The following AFF3 variants were observed in gnomAD, a reference collection of about 807,000 sequenced individuals.
The protein encoded by AFF3 is AF4/FMR2 family member 3.
AFF3 carries 32 observed loss-of-function variants against 129.7 expected under a neutral mutation model. The observed-to-expected ratio is 0.25, with a 90% CI of 0.19 to 0.33. The LOEUF is 0.33. Among genes scored for constraint, AFF3 ranks in the 10% least tolerant of loss-of-function variants. AFF3 has a pLI of 1.00. For missense variants in AFF3, 1,373 were observed against 1,592.0 expected (o/e 0.86, Z 2.34); for synonymous variants, 644 against 635.4 (o/e 1.01, Z -0.20).
In AFF3 at chr2:99,931,289, G is replaced by A. The variant is rs565556749; in HGVS notation, c.873+75343C>T. On this transcript the variant is annotated intron_variant, in intron 7 of 24. Coordinates refer to ENST00000672756, the MANE Select transcript of AFF3 (RefSeq NM_001386135.1). ...ACTCCCTGGAGATGTCAAGAAAAGTGAGCTGCTTTCTCTGCAGGAAAGCCA... is the reference window on the plus strand; with the variant it reads ...ACTCCCTGGAGATGTCAAGAAAAGTAAGCTGCTTTCTCTGCAGGAAAGCCA... 2.6e-5 allele frequency among the ~76,000 whole-genome samples: 4 copies of A among 152,356 alleles called. No individual in the cohort carries two copies. The South Asian group carries it at 8.3e-4, about 32-fold the overall frequency.
intron 8 of AFF3, among the ~76,000 whole-genome samples, chr2:99,762,791 A>G (rs17023082): frequency 0.2 from 30,001 of 152,208 alleles, 3,247 homozygotes; most frequent in East Asian, 0.36. Context: ...AAGACACGGG[A>G]TGAATTCTGC....
intron 4 of AFF3, among the ~76,000 whole-genome samples, chr2:100,075,759 C>T (rs1214987734): frequency 6.6e-6 from 1 of 152,150 alleles, no homozygotes; most frequent in Non-Finnish European, 1.5e-5. Flanking sequence ...CTGATGATGT[C>T]TCAAGTGATG....
intron 10 of AFF3, among the ~76,000 whole-genome samples, chr2:99,729,825 C>T (rs544866750): frequency 6.7e-6 from 1 of 148,876 alleles, no homozygotes; most frequent in East Asian, 2.0e-4. Flanking sequence ...TTTGTGTCAG[C>T]TGTTTTCATG....
chr2:99,656,583 T>C (rs559268482), intron 12 of AFF3, among the ~76,000 whole-genome samples: 1 of 152,364 alleles, frequency 6.6e-6, no homozygotes, highest in African/African-American at 2.4e-5. Context: ...AAGTTGAGAC[T>C]TGTACTTATT....
At chr2:100,100,747 A>G (rs1690663942) in intron 4 of AFF3, among the ~76,000 whole-genome samples, 1 of 152,242 alleles carries the variant, frequency 6.6e-6, no homozygotes, top group South Asian at 2.1e-4. Context: ...TGTTAAACGA[A>G]TTAAATGAAA....
intron 7 of AFF3, among the ~76,000 whole-genome samples, chr2:99,965,715 C>T (rs1390204818): frequency 1.3e-5 from 2 of 152,186 alleles, no homozygotes; most frequent in African/African-American, 2.4e-5. Context: ...GCAAAACTAG[C>T]CTTCTGAGCC....
intron 13 of AFF3, among the ~76,000 whole-genome samples, chr2:99,603,281 T>C (rs556028400): frequency 4.6e-5 from 7 of 152,156 alleles, no homozygotes; most frequent in Admixed American, 1.3e-4. Flanking sequence ...GTTACTGTCA[T>C]TGGAATCATA....
intron 4 of AFF3, among the ~76,000 whole-genome samples, chr2:100,087,302 C>T (rs1265180877): frequency 6.6e-6 from 1 of 151,948 alleles, no homozygotes; most frequent in Admixed American, 6.6e-5. Flanking sequence ...TTATATCTTC[C>T]CATCATGTAA....
intron 7 of AFF3, among the ~76,000 whole-genome samples, chr2:100,002,497 A>T (rs1252630753): frequency 6.6e-6 from 1 of 152,200 alleles, no homozygotes; most frequent in East Asian, 1.9e-4. Flanking sequence ...AGACTATTTA[A>T]TTACTTATTT....
At chr2:99,958,639 A>T (rs1203337113) in intron 7 of AFF3, among the ~76,000 whole-genome samples, 1 of 152,100 alleles carries the variant, frequency 6.6e-6, no homozygotes, top group Non-Finnish European at 1.5e-5. Flanking sequence ...TGCAATCTAA[A>T]TGGGGGACAG....
At chr2:100,039,895 C>T (rs932325506) in intron 4 of AFF3, among the ~76,000 whole-genome samples, 4 of 152,168 alleles carry the variant, frequency 2.6e-5, no homozygotes, top group African/African-American at 7.2e-5. Context: ...CTCTCTAGGA[C>T]AGGAACTCCT....
At chr2:99,668,284 G>A (rs954372388) in intron 12 of AFF3, among the ~76,000 whole-genome samples, 1 of 151,848 alleles carries the variant, frequency 6.6e-6, no homozygotes, top group South Asian at 2.1e-4. Flanking sequence ...CAATACTCCC[G>A]TCTCAGCCTC....
intron 7 of AFF3, among the ~76,000 whole-genome samples, chr2:99,998,863 GC>G (rs763691152): frequency 2.0e-5 from 3 of 152,182 alleles, no homozygotes; most frequent in Non-Finnish European, 2.9e-5. Context: ...ACCCCATGGG[GC>G]CAATGGGTGT....
chr2:99,600,525 A>G (rs1282572475), intron 14 of AFF3, among the ~76,000 whole-genome samples: 1 of 152,178 alleles, frequency 6.6e-6, no homozygotes, highest in African/African-American at 2.4e-5. Context: ...GGTTTGTAGA[A>G]GTGGGTTTAG....
At chr2:99,754,501 C>T (rs761901293) in intron 8 of AFF3, among the ~76,000 whole-genome samples, 2 of 152,216 alleles carry the variant, frequency 1.3e-5, no homozygotes, top group Non-Finnish European at 2.9e-5. Context: ...GAATGCCTCA[C>T]ATTTGTGCAA....
At chr2:99,559,024 A>C (rs1223167218) in intron 21 of AFF3, 56 bp from the exon 22 acceptor site, 1 of 1,509,872 alleles carries the variant, frequency 6.6e-7, no homozygotes, top group African/African-American at 1.4e-5. Flanking sequence ...GTGCGCAAAC[A>C]AGACTTAAAC....
At chr2:99,558,615 C>T (rs1201209996) in intron 22 of AFF3, among the ~76,000 whole-genome samples, 2 of 152,086 alleles carry the variant, frequency 1.3e-5, no homozygotes, top group African/African-American at 4.8e-5. Context: ...GAGTGAAACT[C>T]TGTCTCCAAA....
chr2:100,106,807 T>G, intron 2 of AFF3: 1 of 985,562 alleles, frequency 1.0e-6, no homozygotes, highest in African/African-American at 1.7e-5. Flanking sequence ...ATGCTGGGCC[T>G]GGAGCTCAGA....
intron 4 of AFF3, among the ~76,000 whole-genome samples, chr2:100,048,335 T>C (rs1319801813): frequency 2.0e-5 from 3 of 152,242 alleles, no homozygotes; most frequent in African/African-American, 2.4e-5. Context: ...ATGTTTTCCA[T>C]TGTGTTAATT....
Sources: allele counts gnomAD v4.1 joint callset (sites outside exome capture counted in the v4.1 genomes callset), GRCh38; gene constraint gnomAD v4.1.1; transcripts MANE v1.5; gene names NCBI Gene and HGNC (gene_info 2026-07-23, HGNC 2026-07-21).